Variants in HRK observed in about 807,000 individuals in gnomAD.
HRK encodes the protein activator of apoptosis harakiri.
A neutral mutation model predicts 5.9 loss-of-function variants in HRK; 6 were observed. The ratio of observed to expected loss-of-function variants is 1.02; its 90% CI spans 0.56 to 2.01. HRK has a LOEUF of 2.01. HRK is among the 30% of genes most tolerant of loss of function. The pLI is 0.00. For synonymous variants in HRK, 85 were observed against 65.1 expected, an observed-to-expected ratio of 1.31 and a Z score of -1.47; for missense variants, 133 against 128.3, an observed-to-expected ratio of 1.04 and a Z score of -0.18.
Position 116,862,755 on chromosome 12 carries a change from A to G in HRK, c.*57-1289T>C, listed in dbSNP as rs1878412049. On this transcript the variant is annotated intron_variant, in intron 1 of 1. Coordinates refer to ENST00000257572, the MANE Select transcript of HRK (RefSeq NM_003806.4). This position sits in a 1 kb window ranked among gnomAD's most constrained non-coding sequence, Gnocchi z 4.0. ...TTGTTTGTTTGTTTGTTTTTGAGACAAGGTCTCGTTCTGTTGCCCAGGCTG... is the reference window on the plus strand; with the variant it reads ...TTGTTTGTTTGTTTGTTTTTGAGACGAGGTCTCGTTCTGTTGCCCAGGCTG... Among the ~76,000 whole-genome samples, 1 of 151,668 alleles carries G rather than the reference A, an allele frequency of 6.6e-6. No individual in the cohort carries two copies. The highest frequency in any genetic ancestry group is 6.6e-5 in the Admixed American group (1 of 15,202).
chr12:116,871,603 C>CAAAAAAA (rs148974119), intron 1 of HRK, among the ~76,000 whole-genome samples: 1 of 137,348 alleles, frequency 7.3e-6, no homozygotes, highest in African/African-American at 2.7e-5. Flanking sequence ...CGTGCCCAGC[C>CAAAAAAA]AAAAAAAAAA....
At chr12:116,876,028 T>G (rs947179808) in intron 1 of HRK, among the ~76,000 whole-genome samples, 2 of 152,136 alleles carry the variant, frequency 1.3e-5, no homozygotes, top group African/African-American at 2.4e-5. Context: ...TCTCGTTATC[T>G]GCCTGTCTAA....
intron 1 of HRK, among the ~76,000 whole-genome samples, chr12:116,870,314 C>T (rs1878701337): frequency 6.6e-6 from 1 of 152,196 alleles, no homozygotes; most frequent in Non-Finnish European, 1.5e-5. Context: ...TAGGTACAGT[C>T]AGGCAGAGAA....
chr12:116,880,172 GC>G (rs1173291412), intron 1 of HRK, among the ~76,000 whole-genome samples: 1 of 152,080 alleles, frequency 6.6e-6, no homozygotes, highest in Non-Finnish European at 1.5e-5. Flanking sequence ...CCTAAACAGT[GC>G]CCAGCACCCC....
chr12:116,875,534 T>C (rs1020238666), intron 1 of HRK, among the ~76,000 whole-genome samples: 1 of 152,128 alleles, frequency 6.6e-6, no homozygotes, highest in Non-Finnish European at 1.5e-5. Flanking sequence ...TTGCATAGTT[T>C]CTTTTTTTAT....
chr12:116,868,933 T>C (rs78731529), intron 1 of HRK, among the ~76,000 whole-genome samples: 6,693 of 150,898 alleles, frequency 0.044, 351 homozygotes, highest in East Asian at 0.13. Context: ...TGGGCCATAC[T>C]ATAAAGATGG....
intron 1 of HRK, among the ~76,000 whole-genome samples, chr12:116,877,449 T>C (rs1878977641): frequency 6.6e-6 from 1 of 152,184 alleles, no homozygotes; most frequent in African/African-American, 2.4e-5. Context: ...GCAGAGGTAA[T>C]GGTTCTTTCT....
intron 1 of HRK, among the ~76,000 whole-genome samples, chr12:116,865,152 G>C (rs757590465): frequency 3.3e-5 from 5 of 152,180 alleles, no homozygotes; most frequent in Non-Finnish European, 7.3e-5. Context: ...CCCCAGTGCA[G>C]CATTAGATGG....
In HRK at chr12:116,881,245, A is replaced by G; in HGVS notation, c.63T>C (p.Gly21=). The G allele has an allele frequency of 9.1e-7, 1 of 1,094,200 alleles. No individual in the cohort carries two copies. Among genetic ancestry groups the G allele is most frequent in the Non-Finnish European group, 1.1e-6 (1 of 902,694 alleles). 67.8% of individuals were successfully genotyped at this position (1,094,200 alleles called of 1,614,324 possible). Residue 21 remains glycine (G), a synonymous_variant, in exon 1 of 2, where the codon GGT becomes GGC. Transcript: ENST00000257572. ...GPPAVCACSA[G]RLGLRSSAAQ... ...CGGCGGACGAGCGCAGCCCCAGGCGACCCGCGCTGCAGGCGCACACGGCCG... is the reference window on the plus strand; with the variant it reads ...CGGCGGACGAGCGCAGCCCCAGGCGGCCCGCGCTGCAGGCGCACACGGCCG...
chr12:116,875,764 G>A (rs555432303), intron 1 of HRK, among the ~76,000 whole-genome samples: 67 of 152,134 alleles, frequency 4.4e-4, no homozygotes, highest in African/African-American at 1.5e-3. Flanking sequence ...GGCAGGTCTC[G>A]AACTCCTGAC....
intron 1 of HRK, among the ~76,000 whole-genome samples, chr12:116,865,985 C>G (rs1878530805): frequency 6.6e-6 from 1 of 151,568 alleles, no homozygotes. Flanking sequence ...TGGTAAAACC[C>G]CATCTCTACT....
chr12:116,871,811 T>C (rs569869962), intron 1 of HRK, among the ~76,000 whole-genome samples: 1 of 151,902 alleles, frequency 6.6e-6, no homozygotes, highest in Admixed American at 6.6e-5. Flanking sequence ...TTTTTCTTTT[T>C]TTAGTAAAGA....
At chr12:116,876,007 C>T (rs1878913007) in intron 1 of HRK, among the ~76,000 whole-genome samples, 1 of 152,112 alleles carries the variant, frequency 6.6e-6, no homozygotes, top group Admixed American at 6.6e-5. Flanking sequence ...AACGGAAGCC[C>T]CCTCCCCACC....
chr12:116,867,186 G>T (rs1878578008), intron 1 of HRK, among the ~76,000 whole-genome samples: 2 of 150,216 alleles, frequency 1.3e-5, no homozygotes, highest in Middle Eastern at 3.4e-3. Context: ...TTATTGCCCA[G>T]GCTGGAGTGC....
At chr12:116,873,732 C>G (rs1272405562) in intron 1 of HRK, among the ~76,000 whole-genome samples, 1 of 152,132 alleles carries the variant, frequency 6.6e-6, no homozygotes, top group Non-Finnish European at 1.5e-5. Flanking sequence ...CCACCCTGCC[C>G]AAGTCTCTGG....
In HRK at chr12:116,861,621, T is replaced by G. The variant is rs565222671; in HGVS notation, c.*57-155A>C. Among the ~76,000 whole-genome samples the G allele has an allele frequency of 9.3e-4, 142 of 152,244 alleles. 1 individual carries two copies. The highest frequency in any genetic ancestry group is 3.4e-3 in the African/African-American group (140 of 41,540). ...CAAAGCTCTGGTTTTGGAGGAAGGA[T>G]GCCTCAAAAGCTAGTCTTGGCACTC... On this transcript the variant is annotated intron_variant, in intron 1 of 1. Transcript: ENST00000257572.
intron 1 of HRK, among the ~76,000 whole-genome samples, chr12:116,875,956 G>A (rs1445292742): frequency 2.6e-5 from 4 of 152,112 alleles, no homozygotes; most frequent in African/African-American, 7.2e-5. Context: ...TTCTATTCCC[G>A]TGAAATCCTA....
Position 116,879,889 on chromosome 12 carries a change from C to T in HRK, c.*56+1087G>A, listed in dbSNP as rs1879079881. Among the ~76,000 whole-genome samples, 1 of 152,200 alleles carries T rather than the reference C, an allele frequency of 6.6e-6. No homozygotes were observed. The highest frequency in any genetic ancestry group is 6.5e-5 in the Admixed American group (1 of 15,288). On this transcript the variant is annotated intron_variant, in intron 1 of 1. Coordinates refer to ENST00000257572, the MANE Select transcript of HRK (RefSeq NM_003806.4). The surrounding 1 kb of genome is among the most constrained non-coding windows in gnomAD (Gnocchi z 5.6). ...GGCGGCTGGCTATGTCACCTTCGAG[C>T]TTCACCTTCCGGCCCTAGACCCATC...
At position 116,860,557 on chromosome 12, in the gene HRK, C is replaced by A. The variant is rs2137241606; in HGVS notation, c.*966G>T. ...TGGGGGAGATAGCAACCAAGTCATG[C>A]ATGAGGTCAGCTTTCTGCCTCATAA... On this transcript the variant is annotated 3_prime_UTR_variant, in exon 2 of 2. Coordinates refer to ENST00000257572, the MANE Select transcript of HRK (RefSeq NM_003806.4). 1 of 152,250 alleles carries A rather than the reference C, an allele frequency of 6.6e-6. No individual in the cohort carries two copies. 9.4% of individuals were successfully genotyped at this position (152,250 alleles called of 1,614,324 possible). A position where few individuals can be genotyped will look rare whatever the true frequency, so the allele number is the denominator to read the frequency against.
Sources: allele counts gnomAD v4.1 joint callset (sites outside exome capture counted in the v4.1 genomes callset), GRCh38; gene constraint gnomAD v4.1.1; non-coding constraint Gnocchi (gnomAD v3.1); transcripts MANE v1.5; gene names NCBI Gene and HGNC (gene_info 2026-07-23, HGNC 2026-07-21).